OR2Z1: variants seen among roughly 807,000 people sequenced by gnomAD.
The protein encoded by OR2Z1 is olfactory receptor family 2 subfamily Z member 1, also known as olfactory receptor 2Z1.
For missense variants in OR2Z1, 449 were observed against 401.8 expected (o/e 1.12, Z -1.00); for synonymous variants, 188 against 160.6 (o/e 1.17, Z -1.29).
At chr19:8,730,705 A>G (rs2043348441) in intron 2 of OR2Z1, among the ~76,000 whole-genome samples, 155 bp from the exon 3 acceptor site, 1 of 152,124 alleles carries the variant, frequency 6.6e-6, no homozygotes, top group Non-Finnish European at 1.5e-5. Context: ...GGCGTGAGGC[A>G]CCACGTCCAG....
Position 8,731,793 on chromosome 19 carries a change from C to T in OR2Z1, c.765C>T (p.Ala255=), listed in dbSNP as rs552885374. 7 of 1,614,224 alleles carry T rather than the reference C, an allele frequency of 4.3e-6. No homozygotes were observed. The highest frequency in any genetic ancestry group is 1.6e-4 in the Middle Eastern group (1 of 6,062). The change falls in exon 3 of 3, where the codon GCC becomes GCT. Residue 255 remains alanine (A), a synonymous_variant. Transcript: ENST00000641125. ...TAGTGGGGCTCTTTTATGGTGCCGC[C>T]GTGTTCATGTACATGGTGCCTTGCG... ...ITVVGLFYGA[A]VFMYMVPCAY...
At chr19:8,723,912 G>A (rs36243) in intron 2 of OR2Z1, among the ~76,000 whole-genome samples, 45,912 of 150,998 alleles carry the variant, frequency 0.3, 8,052 homozygotes, top group Middle Eastern at 0.41. Context: ...AGACCAGGGT[G>A]GGACATGATC....
intron 2 of OR2Z1, among the ~76,000 whole-genome samples, chr19:8,724,195 C>CAAA (rs2043318465): frequency 1.3e-5 from 2 of 151,614 alleles, no homozygotes; most frequent in African/African-American, 4.8e-5. Flanking sequence ...TCTGTCTTCT[C>CAAA]ATCCCCAAAA....
At chr19:8,727,812 A>T (rs113814945) in intron 2 of OR2Z1, among the ~76,000 whole-genome samples, 145 of 152,332 alleles carry the variant, frequency 9.5e-4, no homozygotes, top group African/African-American at 2.9e-3. Flanking sequence ...AGTTGCAGTG[A>T]GCCAGGATCA....
At chr19:8,727,563 TA>T (rs1239688950) in intron 2 of OR2Z1, among the ~76,000 whole-genome samples, 95 of 150,182 alleles carry the variant, frequency 6.3e-4, no homozygotes, top group Non-Finnish European at 1.1e-3. Flanking sequence ...ATAATAATAA[TA>T]AAAAAAAACA....
chr19:8,728,818 G>C, intron 2 of OR2Z1: 1 of 633,934 alleles, frequency 1.6e-6, no homozygotes, highest in Non-Finnish European at 3.0e-6. Context: ...TCTTCATCAG[G>C]CTGAATCAGG....
intron 2 of OR2Z1, among the ~76,000 whole-genome samples, chr19:8,727,117 AT>A (rs1207880163): frequency 6.6e-6 from 1 of 151,774 alleles, no homozygotes; most frequent in Admixed American, 6.6e-5. Context: ...AACTTTTGTA[AT>A]TTTTTTGTAG....
chr19:8,731,564 G>A lies in OR2Z1; in HGVS notation c.536G>A (p.Cys179Tyr), dbSNP rs782300606. 6.2e-7 allele frequency: 1 copy of A among 1,613,934 alleles called. No individual in the cohort carries two copies. Among genetic ancestry groups the A allele is most frequent in the African/African-American group, 1.3e-5 (1 of 74,862 alleles). Residue 179 changes from cysteine (C) to tyrosine (Y), a missense_variant, in exon 3 of 3, where the codon TGT becomes TAT. By Grantham distance (194) the Cys-to-Tyr change is radical. Transcript: ENST00000641125. ...TCCCGTATTGTGGATCACTTCTTCT[G>A]TGAGGTGCCAGCCCTACTGAAGCTC... ...CASRIVDHFFCEVPALLKLSC... is the reference protein window; with the variant it reads ...CASRIVDHFFYEVPALLKLSC...
chr19:8,731,284 C>G lies in OR2Z1; in HGVS notation c.256C>G (p.Leu86Val). ...CATCCCCAAGATGGCATCAGACTTT[C>G]TGCGGGGAGAAGGTGCCACCTCCTA... ...VTIPKMASDF[L>V]RGEGATSYGG... The change falls in exon 3 of 3, where the codon CTG becomes GTG. Residue 86 changes from leucine to valine, a missense_variant. Leu to Val is a conservative substitution (Grantham distance 32). Coordinates refer to ENST00000641125, the MANE Select transcript of OR2Z1 (RefSeq NM_001004699.3). 1.2e-6 allele frequency: 2 copies of G among 1,614,182 alleles called. No individual in the cohort carries two copies. The highest frequency in any genetic ancestry group is 1.1e-5 in the South Asian group (1 of 91,078).
chr19:8,731,152 A>G lies in OR2Z1; in HGVS notation c.124A>G (p.Asn42Asp), dbSNP rs2043351448. 1 of 1,613,892 alleles carries G rather than the reference A, an allele frequency of 6.2e-7. No individual in the cohort carries two copies. Among genetic ancestry groups the G allele is most frequent in the South Asian group, 1.1e-5 (1 of 91,076 alleles). Residue 42 changes from asparagine (N) to aspartate (D), a missense_variant, in exon 3 of 3, where the codon AAC becomes GAC. Coordinates refer to ENST00000641125, the MANE Select transcript of OR2Z1 (RefSeq NM_001004699.3). ...AVMFVIGLLG[N>D]TVLLFLIRVD... is the part of the protein sequence containing the mutation. ...CATGTTTGTCATAGGCCTTCTGGGC[A>G]ACACCGTTCTTCTCTTCTTGATCCG...
intron 2 of OR2Z1, among the ~76,000 whole-genome samples, chr19:8,725,749 T>C (rs2043324638): frequency 6.6e-6 from 1 of 152,224 alleles, no homozygotes; most frequent in African/African-American, 2.4e-5. Flanking sequence ...GTCAGTGTAT[T>C]AGTCTATTCT....
intron 2 of OR2Z1, among the ~76,000 whole-genome samples, chr19:8,726,294 C>T (rs1555756179): frequency 2.6e-5 from 4 of 152,224 alleles, no homozygotes; most frequent in Non-Finnish European, 5.9e-5. Context: ...GACCAGATCT[C>T]GCAAGAACTC....
chr19:8,727,190 C>T (rs184744130), intron 2 of OR2Z1, among the ~76,000 whole-genome samples: 2 of 152,250 alleles, frequency 1.3e-5, no homozygotes, highest in Admixed American at 6.5e-5. Flanking sequence ...GCGATCTTCC[C>T]ACTGCAGCCT....
At position 8,731,590 on chromosome 19, in the gene OR2Z1, TCCTGTGCAGATA is replaced by T. The variant is rs374555313; in HGVS notation, c.570_581del (p.Asp191_Ala194del). 2.5e-4 allele frequency: 410 copies of T among 1,614,064 alleles called. 2 individuals carry two copies. In the African/African-American group the frequency reaches 5.0e-3, roughly 20 times the overall value. ...TGAGGTGCCAGCCCTACTGAAGCTC[TCCTGTGCAGATA>T]CCTGTGCCTACGAGATGGCGCTGTC... is the stretch of plus-strand genomic sequence containing the variant. On this transcript the variant is annotated inframe_deletion, in exon 3 of 3. Coordinates refer to ENST00000641125, the MANE Select transcript of OR2Z1 (RefSeq NM_001004699.3).
Position 8,731,190 on chromosome 19 carries a change from G to A in OR2Z1, c.162G>A (p.Arg54=). 6.2e-7 allele frequency: 1 copy of A among 1,613,916 alleles called. No homozygotes were observed. Among genetic ancestry groups the A allele is most frequent in the Non-Finnish European group, 8.5e-7 (1 of 1,180,000 alleles). ...VLLFLIRVDS[R]LHTPMYFLLS... The stretch of plus-strand genomic sequence containing the variant: ...TCTTCTTGATCCGTGTGGACTCCCG[G>A]CTCCACACACCCATGTACTTCCTGC... The change falls in exon 3 of 3, where the codon CGG becomes CGA. Residue 54 remains arginine, a synonymous_variant. Coordinates refer to ENST00000641125, the MANE Select transcript of OR2Z1 (RefSeq NM_001004699.3).
intron 2 of OR2Z1, among the ~76,000 whole-genome samples, chr19:8,730,100 T>C (rs1396742292): frequency 6.6e-6 from 1 of 152,240 alleles, no homozygotes; most frequent in African/African-American, 2.4e-5. Flanking sequence ...GGCACCCCGG[T>C]TGATTCAATT....
chr19:8,724,867 A>G (rs2043321533), intron 2 of OR2Z1, among the ~76,000 whole-genome samples: 1 of 151,972 alleles, frequency 6.6e-6, no homozygotes, highest in African/African-American at 2.4e-5. Context: ...TGTGAAAACT[A>G]TTGCCTGGGC....
At chr19:8,727,992 G>A (rs527477645) in intron 2 of OR2Z1, among the ~76,000 whole-genome samples, 5 of 152,284 alleles carry the variant, frequency 3.3e-5, no homozygotes, top group African/African-American at 7.2e-5. Context: ...TAAAACATAC[G>A]AATAATAAAA....
rs782742754 is a variant in OR2Z1, at chr19:8,731,359, G to T, written c.331G>T (p.Glu111Ter). ...CTTCCTCACACTGATGGGTGTGGCT[G>T]AGGGCGTCCTGTTGGTCCTCATGTC... ...IFFLTLMGVA[E>*]GVLLVLMSYD... The change falls in exon 3 of 3, where the codon GAG (glutamate) becomes TAG (stop). Residue 111 changes from glutamate (E) to a stop codon, truncating the protein, a stop_gained. Coordinates refer to ENST00000641125, the MANE Select transcript of OR2Z1 (RefSeq NM_001004699.3). LOFTEE classifies it low-confidence loss of function (END_TRUNC). The T allele has an allele frequency of 4.3e-6, 7 of 1,614,042 alleles. No individual in the cohort carries two copies. Among genetic ancestry groups the T allele is most frequent in the African/African-American group, 1.3e-5 (1 of 74,914 alleles).
Sources: gnomAD v4.1 joint callset for allele counts (sites outside exome capture counted in the v4.1 genomes callset) on GRCh38, gnomAD v4.1.1 for gene constraint, MANE v1.5 for transcripts, NCBI Gene and HGNC (gene_info 2026-07-23, HGNC 2026-07-21) for gene names.